The following ARHGEF10 variants were observed in gnomAD, a reference collection of about 807,000 sequenced individuals.
The protein encoded by ARHGEF10 is Rho guanine nucleotide exchange factor (GEF) 10.
Under a neutral mutation model 147.4 loss-of-function variants are expected in ARHGEF10, and 140 were observed. The observed-to-expected ratio is 0.95, with a 90% CI of 0.83 to 1.09. The LOEUF (loss-of-function observed/expected upper bound fraction) is 1.09, where lower values mean the gene tolerates loss of function less well. Among genes scored for constraint, ARHGEF10 ranks in the 50% least tolerant of loss-of-function variants. The pLI, the probability that ARHGEF10 is intolerant of heterozygous loss-of-function variation, is 0.00. For synonymous variants in ARHGEF10, 902 were observed against 695.8 expected, an observed-to-expected ratio of 1.30 and a Z score of -4.67; for missense variants, 2,222 against 1,752.7, an observed-to-expected ratio of 1.27 and a Z score of -4.78.
chr8:1,928,673 C>G lies in ARHGEF10; in HGVS notation c.2921+23C>G, dbSNP rs751117511. The G allele has an allele frequency of 1.6e-5, 25 of 1,612,184 alleles. 1 individual carries two copies. The South Asian group carries it at 2.4e-4, about 16-fold the overall frequency. On this transcript the variant is annotated intron_variant, in intron 24 of 28. Transcript: ENST00000349830. ...AAGGTAGGGCATGCTCACTGCGTTA[C>G]AGAGAATTAGCAAGCTCTGCCCATG...
At chr8:1,844,964 C>G (rs369079962) in intron 2 of ARHGEF10, among the ~76,000 whole-genome samples, 54 of 152,214 alleles carry the variant, frequency 3.5e-4, no homozygotes, top group African/African-American at 1.2e-3. Flanking sequence ...GACCCCATCT[C>G]TGCAAAAATA....
chr8:1,919,937 G>A (rs1285566877), intron 18 of ARHGEF10, among the ~76,000 whole-genome samples: 3 of 150,356 alleles, frequency 2.0e-5, no homozygotes, highest in Admixed American at 6.6e-5. Flanking sequence ...TGTTCTATGG[G>A]TGATGGAGCT....
intron 15 of ARHGEF10, among the ~76,000 whole-genome samples, chr8:1,902,554 G>A (rs1031839419): frequency 1.3e-5 from 2 of 151,952 alleles, no homozygotes; most frequent in East Asian, 1.9e-4. Context: ...GCAAAATTGA[G>A]CGGAAAGTAC....
At chr8:1,872,131 T>A (rs1307103144) in intron 7 of ARHGEF10, among the ~76,000 whole-genome samples, 2 of 152,208 alleles carry the variant, frequency 1.3e-5, no homozygotes, top group African/African-American at 4.8e-5. Flanking sequence ...AGTAGAAATT[T>A]GTAAAAATCA....
chr8:1,945,720 G>C, intron 27 of ARHGEF10, 65 bp downstream of exon 27: 1 of 1,599,786 alleles, frequency 6.3e-7, no homozygotes, highest in Non-Finnish European at 8.6e-7. Context: ...GGGGTGCGGA[G>C]CGCTGTCAGC....
Position 1,937,848 on chromosome 8 carries a change from G to A in ARHGEF10, c.3222+3906G>A, listed in dbSNP as rs1813746771. Among the ~76,000 whole-genome samples, 1 of 152,222 alleles carries A rather than the reference G, an allele frequency of 6.6e-6. No homozygotes were observed. The highest frequency in any genetic ancestry group is 2.1e-4 in the South Asian group (1 of 4,834). On this transcript the variant is annotated intron_variant, in intron 26 of 28. Coordinates refer to ENST00000349830, the MANE Select transcript of ARHGEF10 (RefSeq NM_014629.4). This position sits in a 1 kb window ranked among gnomAD's most constrained non-coding sequence, Gnocchi z 4.9. ...GGGTTGAGCGGGTTGGGAGATGCTA[G>A]CCATATTTGGAAGAAAAAGGCACCT...
chr8:1,905,531 A>T (rs370145542), intron 16 of ARHGEF10, 40 bp from the exon 17 acceptor site: 24 of 1,613,902 alleles, frequency 1.5e-5, no homozygotes, highest in Non-Finnish European at 2.0e-5. Context: ...TTTCCGGGTA[A>T]ACTGAACTGT....
chr8:1,909,509 A>T (rs775534797), intron 18 of ARHGEF10, 39 bp downstream of exon 18: 1 of 1,611,270 alleles, frequency 6.2e-7, no homozygotes, highest in Non-Finnish European at 8.5e-7. Context: ...CCGTGGGGCC[A>T]GGGTAACTCT....
intron 18 of ARHGEF10, among the ~76,000 whole-genome samples, chr8:1,914,405 C>T (rs567734931): frequency 1.3e-5 from 2 of 152,336 alleles, no homozygotes; most frequent in East Asian, 3.9e-4. Context: ...CGGGTTAGCC[C>T]CGATTTCTCT....
At chr8:1,845,514 C>T (rs542692449) in intron 2 of ARHGEF10, among the ~76,000 whole-genome samples, 152 of 152,302 alleles carry the variant, frequency 1.0e-3, no homozygotes, top group Middle Eastern at 3.4e-3. Context: ...GAAAGAAAGG[C>T]CAGGAAGCTG....
chr8:1,916,235 G>T (rs1041265449), intron 18 of ARHGEF10, among the ~76,000 whole-genome samples: 11 of 152,064 alleles, frequency 7.2e-5, no homozygotes, highest in South Asian at 2.1e-4. Context: ...GGAAAGGTGC[G>T]CATGCAGGAG....
chr8:1,936,458 C>T (rs1464859019), intron 26 of ARHGEF10, among the ~76,000 whole-genome samples: 4 of 152,198 alleles, frequency 2.6e-5, no homozygotes, highest in Non-Finnish European at 5.9e-5. Flanking sequence ...TGCAGTGAGC[C>T]AAGATCGCAC....
chr8:1,831,083 C>G (rs2129034328), intron 1 of ARHGEF10, among the ~76,000 whole-genome samples: 1 of 152,358 alleles, frequency 6.6e-6, no homozygotes, highest in South Asian at 2.1e-4. Flanking sequence ...CTTGGAGGCT[C>G]TGTGTGTCAG....
chr8:1,876,017 C>G (rs1807667451), intron 7 of ARHGEF10: 1 of 159,602 alleles, frequency 6.3e-6, no homozygotes, highest in Non-Finnish European at 1.4e-5. Flanking sequence ...ATGTCATTTT[C>G]ATTCTCTAAA....
rs373628540 is a variant in ARHGEF10 at position 1,859,216 on chromosome 8, G to C, written c.194-681G>C. On this transcript the variant is annotated intron_variant, in intron 3 of 28. Transcript: ENST00000349830. ...TTTGCCCGGTGTTTCTTTGGCCATAGCACCTGCCTCTCGGTTGTTTGCCCG... is the reference window on the plus strand; with the variant it reads ...TTTGCCCGGTGTTTCTTTGGCCATACCACCTGCCTCTCGGTTGTTTGCCCG... 4.5e-4 allele frequency among the ~76,000 whole-genome samples: 68 copies of C among 150,342 alleles called. No homozygotes were observed. In the East Asian group the frequency reaches 0.013, roughly 29 times the overall value.
At chr8:1,890,056 C>T (rs1056896366) in intron 11 of ARHGEF10, among the ~76,000 whole-genome samples, 14 of 139,500 alleles carry the variant, frequency 1.0e-4, no homozygotes, top group Admixed American at 2.2e-4. Context: ...GGTAAGGAGT[C>T]TGTGCGGAGA....
intron 18 of ARHGEF10, among the ~76,000 whole-genome samples, chr8:1,918,886 TG>T (rs1310820739): frequency 2.2e-4 from 33 of 150,506 alleles, no homozygotes; most frequent in African/African-American, 7.9e-4. Context: ...TTGTGGGTGA[TG>T]GAGCTATTCT....
chr8:1,826,747 T>G (rs982448521), intron 1 of ARHGEF10, among the ~76,000 whole-genome samples: 4 of 152,248 alleles, frequency 2.6e-5, no homozygotes, highest in African/African-American at 9.6e-5. Context: ...CATTGTTTAC[T>G]GCACAGTGTG....
chr8:1,833,184 A>C (rs1471154029), intron 1 of ARHGEF10, among the ~76,000 whole-genome samples: 1 of 47,076 alleles, frequency 2.1e-5, no homozygotes, highest in Non-Finnish European at 4.5e-5. Flanking sequence ...AGAGGGAGGC[A>C]GAGACAGAAG....
Sources: allele counts gnomAD v4.1 joint callset (sites outside exome capture counted in the v4.1 genomes callset), GRCh38; gene constraint gnomAD v4.1.1; non-coding constraint Gnocchi (gnomAD v3.1); transcripts MANE v1.5; gene names NCBI Gene and HGNC (gene_info 2026-07-23, HGNC 2026-07-21).